KLF12: variants seen among roughly 807,000 people sequenced by gnomAD.
The protein encoded by KLF12 is Krueppel-like factor 12.
In KLF12, 9 loss-of-function variants were observed where a neutral mutation model predicts 37.8. That is an observed-to-expected ratio of 0.24 (90% CI 0.14 to 0.42). The LOEUF is 0.42. Ranked by LOEUF, KLF12 falls within the 10% of genes least tolerant of loss-of-function variation. KLF12 has a pLI of 1.00. For missense variants in KLF12, 411 were observed against 516.0 expected (o/e 0.80, Z 1.97); for synonymous variants, 208 against 202.1 (o/e 1.03, Z -0.25).
At chr13:74,074,264 A>C (rs1048600753) in intron 1 of KLF12, among the ~76,000 whole-genome samples, 3 of 152,126 alleles carry the variant, frequency 2.0e-5, no homozygotes, top group Admixed American at 2.0e-4. Flanking sequence ...AAGCAACTCT[A>C]GGGAAGTACA....
chr13:74,115,705 A>C (rs866767266), intron 1 of KLF12, among the ~76,000 whole-genome samples: 57 of 10,624 alleles, frequency 5.4e-3, no homozygotes, highest in Middle Eastern at 0.028. Flanking sequence ...ACTCTGACAA[A>C]AAAAAAAAAA....
At position 73,923,316 on chromosome 13, in the gene KLF12, T is replaced by C. The variant is rs147631324; in HGVS notation, c.123+20665A>G. ...GGAAATTCACTGGACTCTGCAGGAA[T>C]TCAAAGGCTGCTGGAGAAAGTGTCC... is the stretch of plus-strand genomic sequence containing the variant. On this transcript the variant is annotated intron_variant, in intron 3 of 7. Transcript: ENST00000377669. 4.4e-4 allele frequency among the ~76,000 whole-genome samples: 67 copies of C among 152,278 alleles called. No homozygotes were observed. The East Asian group carries it at 6.0e-3, about 14-fold the overall frequency.
intron 3 of KLF12, among the ~76,000 whole-genome samples, chr13:73,900,729 A>T (rs1039624768): frequency 6.6e-6 from 1 of 152,102 alleles, no homozygotes; most frequent in Non-Finnish European, 1.5e-5. Context: ...TCTGCTGCCA[A>T]AATTAGTCAA....
chr13:74,288,441 A>T, the KLF12 span, among the ~76,000 whole-genome samples: 107 of 152,266 alleles, frequency 7.0e-4, no homozygotes, highest in Non-Finnish European at 1.3e-3. Context: ...TAACATCTGA[A>T]AGTCATTTTC....
chr13:73,746,144 A>G (rs541031967), intron 6 of KLF12, among the ~76,000 whole-genome samples: 2 of 152,204 alleles, frequency 1.3e-5, no homozygotes, highest in South Asian at 2.1e-4. Context: ...TGCAGGGACT[A>G]TATTAATTCA....
chr13:74,265,821 G>A, the KLF12 span, among the ~76,000 whole-genome samples: 3 of 152,316 alleles, frequency 2.0e-5, no homozygotes, highest in African/African-American at 7.2e-5. Context: ...GAACAAGGAT[G>A]GAAGTCCTGG....
At chr13:74,009,670 T>A (rs1162385622) in intron 1 of KLF12, among the ~76,000 whole-genome samples, 2 of 152,222 alleles carry the variant, frequency 1.3e-5, no homozygotes, top group African/African-American at 2.4e-5. Context: ...TTTGCTGGCA[T>A]GTATGGTCCT....
At chr13:74,148,053 A>T in the KLF12 span, among the ~76,000 whole-genome samples, 135 of 152,050 alleles carry the variant, frequency 8.9e-4, 2 homozygotes, top group East Asian at 0.021. Flanking sequence ...CTGGGATTAC[A>T]GGCATGTACC....
At chr13:74,245,445 G>A in the KLF12 span, among the ~76,000 whole-genome samples, 1 of 152,048 alleles carries the variant, frequency 6.6e-6, no homozygotes, top group African/African-American at 2.4e-5. Flanking sequence ...AGAAATTGTT[G>A]CATGGAAAAA....
intron 1 of KLF12, among the ~76,000 whole-genome samples, chr13:73,997,879 T>G: frequency 6.6e-6 from 1 of 152,178 alleles, no homozygotes; most frequent in East Asian, 1.9e-4. Context: ...AATATTACAC[T>G]TTTGAAAGTA....
At chr13:74,197,949 A>G in the KLF12 span, among the ~76,000 whole-genome samples, 1 of 152,132 alleles carries the variant, frequency 6.6e-6, no homozygotes, top group Non-Finnish European at 1.5e-5. Context: ...TTTTCTAGCA[A>G]CAGAGTTGAG....
the KLF12 span, among the ~76,000 whole-genome samples, chr13:74,154,857 A>T: frequency 6.6e-6 from 1 of 152,196 alleles, no homozygotes; most frequent in Non-Finnish European, 1.5e-5. Flanking sequence ...GGTTCTCCGT[A>T]TAGCTTGAAC....
At chr13:74,069,462 A>C (rs1198981269) in intron 1 of KLF12, among the ~76,000 whole-genome samples, 1 of 152,226 alleles carries the variant, frequency 6.6e-6, no homozygotes, top group South Asian at 2.1e-4. Context: ...ATTCTGACAG[A>C]TCATACGTGC....
At chr13:73,856,273 A>ACAC (rs1425569082) in intron 3 of KLF12, among the ~76,000 whole-genome samples, 2 of 152,208 alleles carry the variant, frequency 1.3e-5, no homozygotes, top group Non-Finnish European at 2.9e-5. Flanking sequence ...AGTTACAGTG[A>ACAC]CACGAAGACC....
the KLF12 span, among the ~76,000 whole-genome samples, chr13:74,160,883 G>A: frequency 2.6e-5 from 4 of 152,032 alleles, no homozygotes; most frequent in African/African-American, 9.7e-5. Context: ...AGTTCTGATA[G>A]GCAAGAGATG....
rs369668533 is a variant in KLF12, at chr13:73,719,128, G to A, written c.870-3603C>T. ...GGCTAAGCCTATGCCTTTCAGAACT[G>A]CTGATTTGATCTTTTTGTGGAAAGG... On this transcript the variant is annotated intron_variant, in intron 6 of 7. Coordinates refer to ENST00000377669, the MANE Select transcript of KLF12 (RefSeq NM_007249.5). Among the ~76,000 whole-genome samples, 42 of 152,288 alleles carry A rather than the reference G, an allele frequency of 2.8e-4. 6 individuals are homozygous for A. The highest frequency in any genetic ancestry group is 1.7e-3 in the Admixed American group (26 of 15,296).
chr13:74,053,761 ATG>A (rs1342786396), intron 1 of KLF12, among the ~76,000 whole-genome samples: 1 of 152,216 alleles, frequency 6.6e-6, no homozygotes, highest in Non-Finnish European at 1.5e-5. Flanking sequence ...TGGACTAGAA[ATG>A]TTTTTAAAAT....
intron 5 of KLF12, among the ~76,000 whole-genome samples, chr13:73,811,131 A>G (rs4883950): frequency 0.72 from 108,428 of 150,564 alleles, 39,309 homozygotes; most frequent in Non-Finnish European, 0.75. Flanking sequence ...GATTACAGGC[A>G]CCCACCACCA....
intron 1 of KLF12, among the ~76,000 whole-genome samples, chr13:74,084,793 A>G (rs1359731179): frequency 1.3e-5 from 2 of 150,980 alleles, no homozygotes; most frequent in Non-Finnish European, 2.9e-5. Flanking sequence ...TCAAACAATA[A>G]AACACTCTGA....
Sources: gnomAD v4.1 joint callset for allele counts (sites outside exome capture counted in the v4.1 genomes callset) on GRCh38, gnomAD v4.1.1 for gene constraint, MANE v1.5 for transcripts, NCBI Gene and HGNC (gene_info 2026-07-23, HGNC 2026-07-21) for gene names.